USH2A: variants seen among roughly 807,000 people sequenced by gnomAD.
The protein encoded by USH2A is Usher syndrome 2A (autosomal recessive, mild).
In USH2A, 443 loss-of-function variants were observed where a neutral mutation model predicts 538.9. The ratio of observed to expected loss-of-function variants is 0.82; its 90% CI spans 0.76 to 0.89. The LOEUF is 0.89. USH2A is among the 40% of genes least tolerant of loss of function. The pLI is 0.00. For missense variants in USH2A, 6,633 were observed against 6,324.8 expected (o/e 1.05, Z -1.65); for synonymous variants, 2,413 against 2,273.5 (o/e 1.06, Z -1.75).
intron 22 of USH2A, among the ~76,000 whole-genome samples, chr1:216,094,757 T>G (rs1173242531): frequency 6.6e-6 from 1 of 152,156 alleles, no homozygotes; most frequent in Non-Finnish European, 1.5e-5. Context: ...AAAAGCAGTA[T>G]AGCACTGTAG....
intron 4 of USH2A, among the ~76,000 whole-genome samples, 165 bp from the exon 5 acceptor site, chr1:216,327,819 T>C (rs1015801135): frequency 2.0e-5 from 3 of 152,176 alleles, no homozygotes; most frequent in African/African-American, 7.2e-5. Flanking sequence ...TAATTCCACA[T>C]TAATAACAAA....
At chr1:216,079,464 G>A (rs2031858565) in intron 26 of USH2A, among the ~76,000 whole-genome samples, 1 of 152,144 alleles carries the variant, frequency 6.6e-6, no homozygotes, top group Non-Finnish European at 1.5e-5. Context: ...TTCATGGAGG[G>A]TCCCCCAAGG....
intron 22 of USH2A, 108 bp downstream of exon 22, chr1:216,096,975 C>T: frequency 7.6e-6 from 9 of 1,184,414 alleles, no homozygotes; most frequent in Non-Finnish European, 8.5e-6. Flanking sequence ...ATAGTACTTA[C>T]CTTACAAGGT....
chr1:216,355,701 AAG>A (rs2038381465), intron 4 of USH2A, among the ~76,000 whole-genome samples: 1 of 152,134 alleles, frequency 6.6e-6, no homozygotes, highest in Non-Finnish European at 1.5e-5. Flanking sequence ...GATCTTTAAA[AAG>A]AGAGAGAAAT....
chr1:215,898,845 A>C lies in USH2A; in HGVS notation c.7594+1230T>G, dbSNP rs115467296. On this transcript the variant is annotated intron_variant, in intron 40 of 71. Coordinates refer to ENST00000307340, the MANE Select transcript of USH2A (RefSeq NM_206933.4). The stretch of plus-strand genomic sequence containing the variant: ...GAGTGTATGTAATGTTCCTCCTAAA[A>C]GGTGGTGAATTAATGCTTTCTGGAC... Among the ~76,000 whole-genome samples, 1,357 of 152,268 alleles carry C rather than the reference A, an allele frequency of 8.9e-3. 15 individuals are homozygous for C. Among genetic ancestry groups the C allele is most frequent in the African/African-American group, 0.031 (1,285 of 41,544 alleles).
intron 40 of USH2A, among the ~76,000 whole-genome samples, chr1:215,892,073 A>G (rs1469487118): frequency 6.6e-6 from 1 of 152,182 alleles, no homozygotes; most frequent in Non-Finnish European, 1.5e-5. Context: ...ATAGAGTAAT[A>G]AAATTGTTAA....
At chr1:215,854,657 G>A (rs1664109505) in intron 44 of USH2A, among the ~76,000 whole-genome samples, 1 of 152,200 alleles carries the variant, frequency 6.6e-6, no homozygotes, top group Non-Finnish European at 1.5e-5. Flanking sequence ...ACGGCAAAGT[G>A]CACGGAGCTT....
intron 61 of USH2A, among the ~76,000 whole-genome samples, chr1:215,706,322 T>C (rs1439933339): frequency 6.6e-6 from 1 of 152,208 alleles, no homozygotes; most frequent in Non-Finnish European, 1.5e-5. Flanking sequence ...TAAGAAAGGC[T>C]TTCTTCTGTT....
chr1:216,162,802 T>C (rs1423946966), intron 21 of USH2A, among the ~76,000 whole-genome samples: 1 of 152,092 alleles, frequency 6.6e-6, no homozygotes, highest in African/African-American at 2.4e-5. Flanking sequence ...CTTAGCTCTA[T>C]GTTGCCTGTG....
At position 216,070,259 on chromosome 1, in the gene USH2A, C is replaced by T. The variant is rs149465057; in HGVS notation, c.5891G>A (p.Arg1964His). 4.3e-5 allele frequency: 69 copies of T among 1,613,902 alleles called. No individual in the cohort carries two copies. In the African/African-American group the frequency reaches 5.9e-4, roughly 14 times the overall value. Residue 1964 changes from arginine (R) to histidine (H), a missense_variant, in exon 30 of 72, where the codon CGC (arginine) becomes CAC (histidine). Transcript: ENST00000307340. ...CTCAATGCTGTATCCATTTAAGCTG[C>T]GGACTCTTGAGGGAGTTGGCACACT... ...PQSVPTPSRV[R>H]SLNGYSIEVT...
chr1:215,632,081 G>A (rs1309049035), intron 70 of USH2A, among the ~76,000 whole-genome samples: 2 of 151,752 alleles, frequency 1.3e-5, no homozygotes, highest in Non-Finnish European at 2.9e-5. Context: ...GTTTTGTTTT[G>A]TGACGGAGTC....
Position 215,786,727 on chromosome 1 carries a change from A to G in USH2A, c.10330T>C (p.Cys3444Arg). 1 of 1,613,998 alleles carries G rather than the reference A, an allele frequency of 6.2e-7. No individual in the cohort carries two copies. Among genetic ancestry groups the G allele is most frequent in the Non-Finnish European group, 8.5e-7 (1 of 1,179,926 alleles). ...STGKASIEEM[C>R]SSAEETIHTG... ...TGAATGGTTTCTTCGGCAGATGAAC[A>G]CATTTCTTCAATTGATGCCTTCCCT... is the stretch of plus-strand genomic sequence containing the variant. Residue 3444 changes from cysteine (C) to arginine (R), a missense_variant, in exon 52 of 72, where the codon TGT becomes CGT. By Grantham distance (180) the Cys-to-Arg change is radical (BLOSUM62 -3). Coordinates refer to ENST00000307340, the MANE Select transcript of USH2A (RefSeq NM_206933.4).
intron 11 of USH2A, among the ~76,000 whole-genome samples, chr1:216,260,692 C>T (rs541821036): frequency 2.0e-5 from 3 of 152,224 alleles, no homozygotes; most frequent in South Asian, 2.1e-4. Flanking sequence ...CCAAACTAAT[C>T]CTACTCCACA....
chr1:215,954,336 TG>T (rs1415880115), intron 37 of USH2A, among the ~76,000 whole-genome samples: 1 of 151,974 alleles, frequency 6.6e-6, no homozygotes, highest in Non-Finnish European at 1.5e-5. Context: ...AATGATAGAC[TG>T]GATTAAGAAA....
intron 32 of USH2A, among the ~76,000 whole-genome samples, chr1:216,012,461 C>A (rs1404622502): frequency 6.6e-6 from 1 of 152,040 alleles, no homozygotes; most frequent in African/African-American, 2.4e-5. Context: ...TGGATAAGTA[C>A]AGGCCTTTCC....
chr1:216,194,584 T>C (rs1230761069), intron 19 of USH2A, among the ~76,000 whole-genome samples: 2 of 152,044 alleles, frequency 1.3e-5, no homozygotes, highest in South Asian at 2.1e-4. Context: ...TTCTAGAAAG[T>C]GAGACAGCAA....
At chr1:215,705,861 T>C (rs1350009833) in intron 61 of USH2A, among the ~76,000 whole-genome samples, 1 of 152,254 alleles carries the variant, frequency 6.6e-6, no homozygotes, top group Admixed American at 6.5e-5. Context: ...CACATAACTC[T>C]TCTGAAAGAC....
At chr1:216,346,185 G>A (rs2038172991) in intron 4 of USH2A, among the ~76,000 whole-genome samples, 1 of 152,052 alleles carries the variant, frequency 6.6e-6, no homozygotes, top group African/African-American at 2.4e-5. Flanking sequence ...AGTTTCGCCT[G>A]GCTAAAGTCA....
Position 216,200,129 on chromosome 1 carries a change from G to T in USH2A, c.3317-8C>A, listed in dbSNP as rs886044611. ...CTAAGAAGTATTGAATACCTGAAATGAAAAGAAAAAAAAAAAACAAAGTTA... is the reference window on the plus strand; with the variant it reads ...CTAAGAAGTATTGAATACCTGAAATTAAAAGAAAAAAAAAAAACAAAGTTA... On this transcript the variant is annotated splice_polypyrimidine_tract_variant and splice_region_variant and intron_variant, in intron 16 of 71. Transcript: ENST00000307340. 2 of 1,565,362 alleles carry T rather than the reference G, an allele frequency of 1.3e-6. No homozygotes were observed. The highest frequency in any genetic ancestry group is 1.2e-5 in the South Asian group (1 of 84,146).
Sources: allele counts gnomAD v4.1 joint callset (sites outside exome capture counted in the v4.1 genomes callset), GRCh38; gene constraint gnomAD v4.1.1; transcripts MANE v1.5; gene names NCBI Gene and HGNC (gene_info 2026-07-23, HGNC 2026-07-21).